WNK1: variants seen among roughly 807,000 people sequenced by gnomAD.
The protein encoded by WNK1 is WNK lysine deficient protein kinase 1.
In WNK1, 38 loss-of-function variants were observed where a neutral mutation model predicts 222.8. The ratio of observed to expected loss-of-function variants is 0.17; its 90% CI spans 0.13 to 0.22. The LOEUF is 0.22. WNK1 is among the 10% of genes least tolerant of loss of function. The pLI is 1.00. For missense variants in WNK1, 2,348 were observed against 2,918.4 expected (o/e 0.80, Z 4.50); for synonymous variants, 1,090 against 1,092.9 (o/e 1.00, Z 0.05).
intron 4 of WNK1, among the ~76,000 whole-genome samples, chr12:848,394 G>T (rs1388407335): frequency 6.6e-6 from 1 of 151,796 alleles, no homozygotes; most frequent in African/African-American, 2.4e-5. Flanking sequence ...TCTTAAACTG[G>T]TCTAGGCTTA....
At chr12:890,005 T>C (rs1954061744) in intron 21 of WNK1, among the ~76,000 whole-genome samples, 1 of 148,866 alleles carries the variant, frequency 6.7e-6, no homozygotes, top group South Asian at 2.1e-4. Flanking sequence ...CAGGCTGTAG[T>C]GCAGTGGCAC....
chr12:905,663 A>C (rs1955633882), intron 26 of WNK1, among the ~76,000 whole-genome samples: 1 of 152,164 alleles, frequency 6.6e-6, no homozygotes, highest in Non-Finnish European at 1.5e-5. Context: ...CTTGCTTTCT[A>C]GATTGAGTCA....
intron 4 of WNK1, among the ~76,000 whole-genome samples, chr12:845,889 G>A (rs550096468): frequency 2.6e-5 from 4 of 152,024 alleles, no homozygotes; most frequent in Non-Finnish European, 5.9e-5. Flanking sequence ...TAATCTTGTC[G>A]ATCACCTTGC....
At position 759,584 on chromosome 12, in the gene WNK1, C is replaced by CA. The variant is rs1470864155; in HGVS notation, c.759+5260_759+5261insA. Among the ~76,000 whole-genome samples the CA allele has an allele frequency of 1.0e-4, 15 of 147,896 alleles. 2 individuals carry two copies. Among genetic ancestry groups the CA allele is most frequent in the Admixed American group, 2.7e-4 (4 of 14,938 alleles). On this transcript the variant is annotated intron_variant, in intron 1 of 27. Coordinates refer to ENST00000315939, the MANE Select transcript of WNK1 (RefSeq NM_018979.4). ...GACCTCGTGATCTGCCCGCCTTGGC[C>CA]TCCCAAAGTCCTGGGATTACAGGCT... is the stretch of plus-strand genomic sequence containing the variant.
chr12:887,231 T>C lies in WNK1; in HGVS notation c.5291T>C (p.Val1764Ala). ...PPLTKAPVLP[V>A]GTELPAGTLP... Reference sequence around the variant, plus strand: ...CTTTGTTGTCTGTAGGTGCTGCCAGTGGGTACTGAACTTCCAGCAGGTACT... The same window carrying C: ...CTTTGTTGTCTGTAGGTGCTGCCAGCGGGTACTGAACTTCCAGCAGGTACT... Residue 1764 changes from valine (V) to alanine (A), a missense_variant, in exon 20 of 28, where the codon GTG becomes GCG. Transcript: ENST00000315939. 2 of 1,614,224 alleles carry C rather than the reference T, an allele frequency of 1.2e-6. No individual in the cohort carries two copies. Among genetic ancestry groups the C allele is most frequent in the Non-Finnish European group, 1.7e-6 (2 of 1,180,024 alleles).
chr12:887,712 G>A (rs1440226107), intron 20 of WNK1, among the ~76,000 whole-genome samples: 2 of 152,138 alleles, frequency 1.3e-5, no homozygotes, highest in Non-Finnish European at 2.9e-5. Flanking sequence ...CTTTTTCCGC[G>A]AGTCCAGAGC....
intron 20 of WNK1, among the ~76,000 whole-genome samples, chr12:887,697 A>G (rs1008947434): frequency 1.2e-4 from 19 of 152,214 alleles, no homozygotes; most frequent in Admixed American, 1.2e-3. Context: ...ATGGCAACTG[A>G]GAAACTTTTT....
In WNK1 at chr12:885,329, C is replaced by T. The variant is rs200827492; in HGVS notation, c.4525C>T (p.Leu1509Phe). ...CACAGCTTCACAGCTGTGCATTCAG[C>T]TTAGCAGCAGTACTTCTACTCCTAC... ...PSTASQLCIQ[L>F]SSSTSTPTLA... is the part of the protein sequence containing the mutation. Residue 1509 changes from leucine (L) to phenylalanine (F), a missense_variant, in exon 19 of 28, where the codon CTT becomes TTT. Physicochemically the swap from Leu to Phe is conservative, Grantham distance 22. Transcript: ENST00000315939. 1.9e-5 allele frequency: 31 copies of T among 1,614,130 alleles called. No individual in the cohort carries two copies. The highest frequency in any genetic ancestry group is 2.5e-5 in the Non-Finnish European group (30 of 1,180,022).
At chr12:907,552 C>G (rs1213033688) in intron 26 of WNK1, among the ~76,000 whole-genome samples, 1 of 152,228 alleles carries the variant, frequency 6.6e-6, no homozygotes, top group African/African-American at 2.4e-5. Flanking sequence ...GCGAGCAGTT[C>G]CAATACTCTT....
chr12:874,750 A>C (rs1031471676), intron 9 of WNK1, among the ~76,000 whole-genome samples: 2 of 152,150 alleles, frequency 1.3e-5, no homozygotes, highest in Admixed American at 6.6e-5. Flanking sequence ...AATTATTTCC[A>C]TTTTACTGAT....
At chr12:850,277 G>A (rs1950322572) in intron 4 of WNK1, among the ~76,000 whole-genome samples, 1 of 151,994 alleles carries the variant, frequency 6.6e-6, no homozygotes, top group Non-Finnish European at 1.5e-5. Flanking sequence ...GTGTGAGATG[G>A]TATCTCATTG....
At chr12:760,053 G>C (rs1293261589) in intron 1 of WNK1, among the ~76,000 whole-genome samples, 1 of 147,854 alleles carries the variant, frequency 6.8e-6, no homozygotes, top group African/African-American at 2.4e-5. Context: ...GAGGAAAGCA[G>C]GTATTGATCT....
intron 22 of WNK1, among the ~76,000 whole-genome samples, chr12:892,647 C>T (rs1420520418): frequency 6.6e-6 from 1 of 151,954 alleles, no homozygotes; most frequent in African/African-American, 2.4e-5. Flanking sequence ...ACTCGTTTTG[C>T]TAATACAAAG....
At chr12:898,747 ATT>A (rs35468706) in intron 25 of WNK1, among the ~76,000 whole-genome samples, 2 of 148,700 alleles carry the variant, frequency 1.3e-5, no homozygotes, top group Non-Finnish European at 3.0e-5. Flanking sequence ...CTAACTTTGA[ATT>A]TTTTTTTTGA....
intron 4 of WNK1, among the ~76,000 whole-genome samples, chr12:836,836 C>A (rs1949223106): frequency 6.6e-6 from 1 of 152,026 alleles, no homozygotes; most frequent in East Asian, 1.9e-4. Flanking sequence ...ATTAGAAGAC[C>A]TTTGGGGACT....
Position 897,573 on chromosome 12 carries a change from A to C in WNK1, c.6340A>C (p.Ile2114Leu), listed in dbSNP as rs1172364059. ...KLGKVPPAVI[I>L]PPAAPLSGRR... is the part of the protein sequence containing the mutation. ...GGGCAAGGTGCCCCCTGCTGTTATT[A>C]TTCCCCCAGCTGCTCCCCTTTCAGG... is the stretch of plus-strand genomic sequence containing the variant. Residue 2114 changes from isoleucine (I) to leucine (L), a missense_variant, in exon 25 of 28, where the codon ATT becomes CTT. Physicochemically the swap from Ile to Leu is conservative, Grantham distance 5. Coordinates refer to ENST00000315939, the MANE Select transcript of WNK1 (RefSeq NM_018979.4). 6.2e-7 allele frequency: 1 copy of C among 1,614,124 alleles called. No homozygotes were observed. Among genetic ancestry groups the C allele is most frequent in the South Asian group, 1.1e-5 (1 of 91,086 alleles).
intron 1 of WNK1, among the ~76,000 whole-genome samples, chr12:801,953 A>G (rs963728022): frequency 1.3e-5 from 2 of 152,124 alleles, no homozygotes; most frequent in Admixed American, 6.6e-5. Flanking sequence ...TGTTTGTTCA[A>G]AAGTCAGACC....
rs1165190692 is a variant in WNK1, at chr12:753,265, C to T, written c.-301C>T. On this transcript the variant is annotated 5_prime_UTR_variant, in exon 1 of 28. Coordinates refer to ENST00000315939, the MANE Select transcript of WNK1 (RefSeq NM_018979.4). The surrounding 1 kb of genome is among the most constrained non-coding windows in gnomAD (Gnocchi z 5.2). ...GCTGCCACCGCCCGCCCGGCCGCCG[C>T]TCGCCGCAGGATGGATGCGGACCGT... The T allele has an allele frequency of 8.2e-6, 3 of 367,202 alleles. No individual in the cohort carries two copies. Among genetic ancestry groups the T allele is most frequent in the Non-Finnish European group, 1.5e-5 (3 of 203,426 alleles). 22.7% of individuals were successfully genotyped at this position (367,202 alleles called of 1,614,324 possible). A position where few individuals can be genotyped will look rare whatever the true frequency, so the allele number is the denominator to read the frequency against.
chr12:864,410 C>A (rs1472152539), intron 8 of WNK1, among the ~76,000 whole-genome samples: 1 of 152,068 alleles, frequency 6.6e-6, no homozygotes, highest in Non-Finnish European at 1.5e-5. Flanking sequence ...CATGCCCGGC[C>A]TAAATTATTA....
Sources: gnomAD v4.1 joint callset for allele counts (sites outside exome capture counted in the v4.1 genomes callset) on GRCh38, gnomAD v4.1.1 for gene constraint, Gnocchi (gnomAD v3.1) non-coding constraint, MANE v1.5 for transcripts, NCBI Gene and HGNC (gene_info 2026-07-23, HGNC 2026-07-21) for gene names.